The following FGF10 variants were observed in gnomAD, a reference collection of about 807,000 sequenced individuals.
FGF10 encodes FGF-10.
FGF10 carries 2 observed loss-of-function variants against 19.8 expected under a neutral mutation model. The observed-to-expected ratio is 0.10, with a 90% confidence interval of 0.04 to 0.32. FGF10 has a LOEUF of 0.32. Ranked by LOEUF, FGF10 falls within the 10% of genes least tolerant of loss-of-function variation. FGF10 has a pLI of 1.00. For missense variants in FGF10, 191 were observed against 246.3 expected (o/e 0.78, Z 1.50); for synonymous variants, 112 against 94.0 (o/e 1.19, Z -1.10).
intron 1 of FGF10, among the ~76,000 whole-genome samples, chr5:44,385,218 T>G (rs1742070952): frequency 6.6e-6 from 1 of 152,182 alleles, no homozygotes; most frequent in South Asian, 2.1e-4. Flanking sequence ...CTCTTTATTC[T>G]ACTCTCATAT....
intron 1 of FGF10, 39 bp downstream of exon 1, chr5:44,388,319 G>T (rs1487880043): frequency 1.3e-6 from 2 of 1,584,968 alleles, no homozygotes; most frequent in Admixed American, 3.3e-5. Context: ...GGCTGGGGGT[G>T]GATAATTGGA....
intron 1 of FGF10, among the ~76,000 whole-genome samples, chr5:44,346,425 T>C (rs1364927338): frequency 1.3e-5 from 2 of 151,868 alleles, no homozygotes; most frequent in Non-Finnish European, 2.9e-5. Flanking sequence ...TGTCAATTAA[T>C]TTTGGAGATA....
intron 1 of FGF10, among the ~76,000 whole-genome samples, chr5:44,326,546 A>G (rs1447776540): frequency 1.3e-5 from 2 of 151,596 alleles, no homozygotes; most frequent in Admixed American, 1.3e-4. Flanking sequence ...CTACAGGCAC[A>G]AACCACCATG....
chr5:44,342,326 G>A (rs779932551), intron 1 of FGF10, among the ~76,000 whole-genome samples: 2 of 151,880 alleles, frequency 1.3e-5, no homozygotes, highest in Non-Finnish European at 2.9e-5. Context: ...GAAATTCAGT[G>A]TACATTGTGT....
intron 2 of FGF10, 121 bp downstream of exon 2, chr5:44,310,306 C>T: frequency 1.4e-6 from 1 of 703,842 alleles, no homozygotes; most frequent in Non-Finnish European, 2.6e-6. Flanking sequence ...GACTAACCCA[C>T]TGTGGCTCTA....
intron 1 of FGF10, among the ~76,000 whole-genome samples, chr5:44,340,211 G>A (rs1391310400): frequency 1.3e-5 from 2 of 152,096 alleles, no homozygotes; most frequent in Non-Finnish European, 2.9e-5. Context: ...AAAAGCAGGA[G>A]TTGGCATCAA....
At chr5:44,354,322 G>C (rs1741298137) in intron 1 of FGF10, among the ~76,000 whole-genome samples, 2 of 151,432 alleles carry the variant, frequency 1.3e-5, no homozygotes, top group African/African-American at 4.8e-5. Flanking sequence ...TTTCTCACAT[G>C]GACTAAGAGG....
chr5:44,312,922 G>A (rs754852558), intron 1 of FGF10, among the ~76,000 whole-genome samples: 4 of 151,920 alleles, frequency 2.6e-5, no homozygotes, highest in East Asian at 1.9e-4. Context: ...TTTTTGACCC[G>A]TTATTTCTGA....
chr5:44,337,267 CATTA>C (rs1740875013), intron 1 of FGF10, among the ~76,000 whole-genome samples: 1 of 150,194 alleles, frequency 6.7e-6, no homozygotes, highest in African/African-American at 2.4e-5. Flanking sequence ...CTAGATAAAA[CATTA>C]ATTAATTGAA....
At chr5:44,369,893 AT>A (rs1741706108) in intron 1 of FGF10, among the ~76,000 whole-genome samples, 1 of 152,150 alleles carries the variant, frequency 6.6e-6, no homozygotes, top group South Asian at 2.1e-4. Flanking sequence ...TTTTCAGATT[AT>A]CTCAAGCTCA....
intron 1 of FGF10, among the ~76,000 whole-genome samples, chr5:44,330,007 T>C (rs780702789): frequency 6.6e-6 from 1 of 152,208 alleles, no homozygotes; most frequent in Non-Finnish European, 1.5e-5. Flanking sequence ...TTTTCATTCA[T>C]AAGCTGTCCT....
chr5:44,338,319 C>T (rs976075909), intron 1 of FGF10, among the ~76,000 whole-genome samples: 4 of 152,132 alleles, frequency 2.6e-5, no homozygotes, highest in Admixed American at 6.6e-5. Flanking sequence ...GTATTTTCTA[C>T]AACCAATATT....
At chr5:44,366,666 A>C (rs1306601316) in intron 1 of FGF10, among the ~76,000 whole-genome samples, 2 of 152,054 alleles carry the variant, frequency 1.3e-5, no homozygotes, top group South Asian at 4.1e-4. Context: ...CTTCAAAAGC[A>C]AAAAAGCAAA....
intron 1 of FGF10, among the ~76,000 whole-genome samples, chr5:44,342,062 GC>G (rs1484744109): frequency 2.0e-5 from 3 of 151,792 alleles, no homozygotes; most frequent in African/African-American, 7.3e-5. Flanking sequence ...CCTCACTCTA[GC>G]AATAACATTT....
intron 1 of FGF10, among the ~76,000 whole-genome samples, chr5:44,366,932 C>G (rs192667583): frequency 6.6e-6 from 1 of 151,952 alleles, no homozygotes; most frequent in African/African-American, 2.4e-5. Flanking sequence ...TAAATGTCAG[C>G]AACCCTAAGT....
chr5:44,323,948 A>C (rs369355698), intron 1 of FGF10, among the ~76,000 whole-genome samples: 2 of 152,260 alleles, frequency 1.3e-5, no homozygotes, highest in East Asian at 3.9e-4. Flanking sequence ...ACATTAAGAG[A>C]GTTTTAAAAA....
At chr5:44,334,901 G>T (rs1352602762) in intron 1 of FGF10, among the ~76,000 whole-genome samples, 1 of 152,088 alleles carries the variant, frequency 6.6e-6, no homozygotes, top group Non-Finnish European at 1.5e-5. Flanking sequence ...GTAAGCATAA[G>T]ATAAATCCCT....
chr5:44,311,221 A>G (rs1169412317), intron 1 of FGF10, among the ~76,000 whole-genome samples: 1 of 152,028 alleles, frequency 6.6e-6, no homozygotes, highest in Non-Finnish European at 1.5e-5. Context: ...GGAAGTAGTA[A>G]GAGGTAGACA....
rs113400776 is a variant in FGF10, at chr5:44,343,529, C to T, written c.326-32999G>A. 2.8e-3 allele frequency among the ~76,000 whole-genome samples: 428 copies of T among 152,074 alleles called. 1 individual carries two copies. The highest frequency in any genetic ancestry group is 9.7e-3 in the African/African-American group (403 of 41,516). On this transcript the variant is annotated intron_variant, in intron 1 of 2. Coordinates refer to ENST00000264664, the MANE Select transcript of FGF10 (RefSeq NM_004465.2). ...TATATGAGATGCTTCTGAGGTGGCA[C>T]ATACAAGTAGTATGAAATAACATTA...
Sources: allele counts gnomAD v4.1 joint callset (sites outside exome capture counted in the v4.1 genomes callset), GRCh38; gene constraint gnomAD v4.1.1; transcripts MANE v1.5; gene names NCBI Gene and HGNC (gene_info 2026-07-23, HGNC 2026-07-21).